The following ZNF804B variants were observed in gnomAD, a reference collection of about 807,000 sequenced individuals.
The protein encoded by ZNF804B is zinc finger protein 804B.
In ZNF804B, 80 loss-of-function variants were observed where a neutral mutation model predicts 101.4. That is an observed-to-expected ratio of 0.79 (90% CI 0.66 to 0.95). The LOEUF (loss-of-function observed/expected upper bound fraction) is 0.95. ZNF804B is among the 40% of genes least tolerant of loss of function. The pLI, the probability that ZNF804B is intolerant of heterozygous loss-of-function variation, is 0.00. For synonymous variants in ZNF804B, 622 were observed against 558.8 expected (o/e 1.11, Z -1.59); for missense variants, 1,673 against 1,561.9 (o/e 1.07, Z -1.20).
chr7:88,985,238 GTGTT>G (rs147688324), intron 1 of ZNF804B, among the ~76,000 whole-genome samples: 3,709 of 142,058 alleles, frequency 0.026, 156 homozygotes, highest in African/African-American at 0.094. Context: ...GTAAACATTT[GTGTT>G]TGTTTAACCA....
intron 1 of ZNF804B, among the ~76,000 whole-genome samples, chr7:89,105,765 G>A (rs750602007): frequency 5.1e-4 from 78 of 152,246 alleles, no homozygotes; most frequent in Non-Finnish European, 6.9e-4. Context: ...GGTCCCCAAG[G>A]ATACCTCTGA....
intron 1 of ZNF804B, among the ~76,000 whole-genome samples, chr7:88,959,718 C>A (rs190920606): frequency 6.6e-6 from 1 of 151,468 alleles, no homozygotes; most frequent in East Asian, 2.0e-4. Context: ...GACACAAATT[C>A]ATGATAGCTG....
intron 1 of ZNF804B, among the ~76,000 whole-genome samples, chr7:89,066,824 A>T (rs960441270): frequency 6.6e-6 from 1 of 151,876 alleles, no homozygotes; most frequent in African/African-American, 2.4e-5. Context: ...GTGCAATGAC[A>T]TGATCTCAGC....
At chr7:88,868,057 G>A (rs1791761164) in intron 1 of ZNF804B, among the ~76,000 whole-genome samples, 1 of 140,698 alleles carries the variant, frequency 7.1e-6, no homozygotes, top group Admixed American at 7.2e-5. Flanking sequence ...GAGTGTGTGT[G>A]TGTGTGTGTG....
chr7:88,833,682 G>C (rs538632515), intron 1 of ZNF804B, among the ~76,000 whole-genome samples: 1 of 151,878 alleles, frequency 6.6e-6, no homozygotes, highest in Non-Finnish European at 1.5e-5. Context: ...TTAATGGAGA[G>C]CCTTAAGTCT....
At chr7:88,948,306 A>ATTTTTTTTTTT (rs68069374) in intron 1 of ZNF804B, among the ~76,000 whole-genome samples, 1 of 92,702 alleles carries the variant, frequency 1.1e-5, no homozygotes. Flanking sequence ...CCACCCATCC[A>ATTTTTTTTTTT]TTTTTTTTTT....
At chr7:89,065,431 T>C (rs1225214996) in intron 1 of ZNF804B, among the ~76,000 whole-genome samples, 1 of 152,128 alleles carries the variant, frequency 6.6e-6, no homozygotes, top group Non-Finnish European at 1.5e-5. Flanking sequence ...CGTATGTATT[T>C]TTTTTTCTTT....
intron 1 of ZNF804B, among the ~76,000 whole-genome samples, chr7:89,030,173 T>G (rs904029292): frequency 6.6e-6 from 1 of 152,144 alleles, no homozygotes; most frequent in African/African-American, 2.4e-5. Flanking sequence ...CCCAGACTGA[T>G]GCCATATTGC....
rs1362523951 is a variant in ZNF804B, at chr7:89,336,523, T to C, written c.3541T>C (p.Leu1181=). The C allele has an allele frequency of 6.2e-7, 1 of 1,613,976 alleles. No homozygotes were observed. Among genetic ancestry groups the C allele is most frequent in the Non-Finnish European group, 8.5e-7 (1 of 1,180,030 alleles). ...ACTCCTATCAAAGCATCTTCGAGTT[T>C]TGCCTGCTGCAGGGCCTACTGCCTT... ...KQLLSKHLRV[L]PAAGPTAFSP... The change falls in exon 4 of 4, where the codon TTG becomes CTG. Residue 1181 remains leucine, a synonymous_variant. Coordinates refer to ENST00000333190, the MANE Select transcript of ZNF804B (RefSeq NM_181646.5).
At chr7:89,324,607 C>CTTTTTT (rs35905388) in intron 2 of ZNF804B, among the ~76,000 whole-genome samples, 1 of 109,562 alleles carries the variant, frequency 9.1e-6, no homozygotes, top group East Asian at 2.8e-4. Flanking sequence ...TACCTTCTTA[C>CTTTTTT]TTTTTTTTTT....
chr7:88,874,856 A>AT (rs1562819581), intron 1 of ZNF804B, among the ~76,000 whole-genome samples: 1 of 149,464 alleles, frequency 6.7e-6, no homozygotes, highest in South Asian at 2.2e-4. Flanking sequence ...CAGAATATAC[A>AT]TTTTTTTCAG....
intron 1 of ZNF804B, among the ~76,000 whole-genome samples, chr7:88,943,843 T>C (rs1282099424): frequency 6.6e-6 from 1 of 151,880 alleles, no homozygotes; most frequent in Admixed American, 6.6e-5. Flanking sequence ...CATTTTCTTT[T>C]AAAAGAAAAT....
chr7:89,050,433 T>C (rs1462447301), intron 1 of ZNF804B, among the ~76,000 whole-genome samples: 1 of 152,162 alleles, frequency 6.6e-6, no homozygotes, highest in Non-Finnish European at 1.5e-5. Context: ...AAACGGGGAA[T>C]TGGCAAAATT....
At chr7:88,958,692 C>T (rs913920300) in intron 1 of ZNF804B, among the ~76,000 whole-genome samples, 1 of 151,422 alleles carries the variant, frequency 6.6e-6, no homozygotes, top group Non-Finnish European at 1.5e-5. Flanking sequence ...CCTCTGGAGA[C>T]TTTCAGATTT....
At chr7:89,022,866 T>G (rs1347798769) in intron 1 of ZNF804B, among the ~76,000 whole-genome samples, 1 of 152,138 alleles carries the variant, frequency 6.6e-6, no homozygotes, top group African/African-American at 2.4e-5. Context: ...AACTCGAATA[T>G]TTTAAGGACT....
At chr7:88,792,716 AT>A (rs1337815104) in intron 1 of ZNF804B, among the ~76,000 whole-genome samples, 13 of 152,100 alleles carry the variant, frequency 8.5e-5, no homozygotes, top group Admixed American at 8.5e-4. Flanking sequence ...ATTGATATAA[AT>A]TTTGAAAGTT....
chr7:89,279,791 A>G lies in ZNF804B; in HGVS notation c.250-47553A>G, dbSNP rs1388532513. Among the ~76,000 whole-genome samples, 30 of 152,002 alleles carry G rather than the reference A, an allele frequency of 2.0e-4. No homozygotes were observed. The East Asian group carries it at 5.8e-3, about 29-fold the overall frequency. On this transcript the variant is annotated intron_variant, in intron 2 of 3. Transcript: ENST00000333190. Reference sequence around the variant, plus strand: ...GAGGATTTTTGCATCAATGTTCATCAAGGATATTGGTCTAAAATTCTCTTT... The same window carrying G: ...GAGGATTTTTGCATCAATGTTCATCGAGGATATTGGTCTAAAATTCTCTTT...
chr7:88,800,897 A>T (rs1375768964), intron 1 of ZNF804B, among the ~76,000 whole-genome samples: 6 of 152,016 alleles, frequency 3.9e-5, no homozygotes, highest in Admixed American at 3.9e-4. Context: ...AAAAATGTCT[A>T]AGTTAGTAGG....
At chr7:88,786,150 A>G (rs1484791852) in intron 1 of ZNF804B, among the ~76,000 whole-genome samples, 2 of 152,050 alleles carry the variant, frequency 1.3e-5, no homozygotes, top group African/African-American at 4.8e-5. Context: ...ATAAAATGTA[A>G]TATTTGTCAT....
Sources: gnomAD v4.1 joint callset for allele counts (sites outside exome capture counted in the v4.1 genomes callset) on GRCh38, gnomAD v4.1.1 for gene constraint, MANE v1.5 for transcripts, NCBI Gene and HGNC (gene_info 2026-07-23, HGNC 2026-07-21) for gene names.